KDM2A: variants seen among roughly 807,000 people sequenced by gnomAD.
The protein encoded by KDM2A is lysine demethylase 2A.
KDM2A carries 3 observed loss-of-function variants against 137.3 expected under a neutral mutation model. The ratio of observed to expected loss-of-function variants is 0.02; its 90% CI spans 0.01 to 0.06. KDM2A has a LOEUF of 0.06. KDM2A is among the 10% of genes least tolerant of loss of function. The pLI is 1.00. For synonymous variants in KDM2A, 512 were observed against 541.5 expected (o/e 0.95, Z 0.76); for missense variants, 738 against 1,510.6 (o/e 0.49, Z 8.48).
chr11:67,190,834 AC>A (rs1660638980), intron 5 of KDM2A, among the ~76,000 whole-genome samples: 1 of 152,200 alleles, frequency 6.6e-6, no homozygotes, highest in Non-Finnish European at 1.5e-5. Context: ...TTCTAGAAAC[AC>A]AAAACTTGTT....
intron 5 of KDM2A, among the ~76,000 whole-genome samples, chr11:67,200,354 T>C (rs915383289): frequency 1.3e-5 from 2 of 152,132 alleles, no homozygotes; most frequent in African/African-American, 4.8e-5. Flanking sequence ...TAGCTGGGAC[T>C]ACAGGCGTCC....
intron 6 of KDM2A, among the ~76,000 whole-genome samples, chr11:67,208,342 G>C (rs1001181708): frequency 6.6e-6 from 1 of 151,722 alleles, no homozygotes; most frequent in Non-Finnish European, 1.5e-5. Context: ...CAAAGTGCTG[G>C]GATTACAGGC....
chr11:67,231,072 T>C (rs1327080164), intron 11 of KDM2A, among the ~76,000 whole-genome samples: 1 of 151,184 alleles, frequency 6.6e-6, no homozygotes. Context: ...TCTTCCCACC[T>C]CACCCTCCCT....
intron 5 of KDM2A, among the ~76,000 whole-genome samples, chr11:67,190,158 C>G (rs1857315465): frequency 6.6e-6 from 1 of 152,118 alleles, no homozygotes; most frequent in South Asian, 2.1e-4. Flanking sequence ...ACCTATAATC[C>G]CAGCACTTTG....
chr11:67,169,368 TTC>T (rs1209687873), intron 2 of KDM2A, among the ~76,000 whole-genome samples: 1 of 151,792 alleles, frequency 6.6e-6, no homozygotes, highest in Non-Finnish European at 1.5e-5. Flanking sequence ...GTTTCTTTCT[TTC>T]TTTCTTTTTC....
chr11:67,167,954 A>T (rs1856783083), intron 2 of KDM2A, among the ~76,000 whole-genome samples: 1 of 152,158 alleles, frequency 6.6e-6, no homozygotes, highest in African/African-American at 2.4e-5. Context: ...TCATTTAGGG[A>T]CAAAAAGTTT....
intron 2 of KDM2A, among the ~76,000 whole-genome samples, chr11:67,166,385 C>CACT (rs1429686038): frequency 2.8e-4 from 42 of 151,808 alleles, no homozygotes; most frequent in Admixed American, 9.2e-4. Context: ...AGGATTTTGT[C>CACT]AGGTTGGCCA....
At chr11:67,242,094 AT>A (rs1382194779) in intron 12 of KDM2A, among the ~76,000 whole-genome samples, 5 of 152,216 alleles carry the variant, frequency 3.3e-5, no homozygotes, top group Admixed American at 1.3e-4. Context: ...ATTAAAAAAA[AT>A]ATATTTGTTT....
chr11:67,228,591 G>A (rs565190524), intron 11 of KDM2A, among the ~76,000 whole-genome samples: 31 of 151,708 alleles, frequency 2.0e-4, no homozygotes, highest in Non-Finnish European at 4.4e-5. Flanking sequence ...AGGCTGAGGT[G>A]GGAGGATCAC....
chr11:67,162,874 C>T (rs797020173), intron 2 of KDM2A, among the ~76,000 whole-genome samples: 12 of 152,152 alleles, frequency 7.9e-5, no homozygotes, highest in African/African-American at 2.9e-4. Context: ...CCACCTTGCC[C>T]AGCTAATTTA....
At chr11:67,185,637 CAAA>C (rs35825424) in intron 5 of KDM2A, among the ~76,000 whole-genome samples, 10 of 102,588 alleles carry the variant, frequency 9.7e-5, no homozygotes, top group African/African-American at 1.4e-4. Flanking sequence ...AACTCTGTCG[CAAA>C]AAAAAAAAAA....
chr11:67,165,919 AT>A (rs1447436402), intron 2 of KDM2A, among the ~76,000 whole-genome samples: 1 of 152,088 alleles, frequency 6.6e-6, no homozygotes, highest in Admixed American at 6.6e-5. Flanking sequence ...TATTTGTATA[AT>A]ACTTTCATTA....
intron 2 of KDM2A, among the ~76,000 whole-genome samples, chr11:67,172,952 A>G (rs1445582012): frequency 6.6e-6 from 1 of 152,206 alleles, no homozygotes; most frequent in East Asian, 1.9e-4. Context: ...GAAAAAAATT[A>G]TGGAATATTT....
rs1859164977 is a variant in KDM2A at position 67,245,089 on chromosome 11, T to C, written c.1564-100T>C. On this transcript the variant is annotated intron_variant, in intron 13 of 20. Coordinates refer to ENST00000529006, the MANE Select transcript of KDM2A (RefSeq NM_012308.3). The surrounding 1 kb of genome is among the most constrained non-coding windows in gnomAD (Gnocchi z 4.1). ...AAGCAGTGGGCAGATCTGGCCATAGTGGGCCAAGCCCCAGGCTAGGTATGC... is the reference window on the plus strand; with the variant it reads ...AAGCAGTGGGCAGATCTGGCCATAGCGGGCCAAGCCCCAGGCTAGGTATGC... 3 of 1,365,032 alleles carry C rather than the reference T, an allele frequency of 2.2e-6. No homozygotes were observed. The Admixed American group carries it at 5.9e-5, about 27-fold the overall frequency. The allele number at this position is 1,365,032 out of a possible 1,614,324, so 84.6% of individuals were successfully genotyped here.
At chr11:67,252,412 C>T in intron 17 of KDM2A, 1 of 430,312 alleles carries the variant, frequency 2.3e-6, no homozygotes. Flanking sequence ...CTATGGGTCC[C>T]TAACAACTGT....
intron 5 of KDM2A, among the ~76,000 whole-genome samples, chr11:67,201,624 C>T (rs1181305680): frequency 6.6e-6 from 1 of 151,512 alleles, no homozygotes. Flanking sequence ...AAAAATTAGC[C>T]GAGTGTGGTG....
Position 67,254,612 on chromosome 11 carries a change from C to T in KDM2A, c.3307+194C>T, listed in dbSNP as rs979534212. On this transcript the variant is annotated intron_variant, in intron 20 of 20. Transcript: ENST00000529006. The surrounding 1 kb of genome is among the most constrained non-coding windows in gnomAD (Gnocchi z 4.7). ...GGACTGAGGCCTTGAGTAGTTAAGTCGGTTGCCTGTCTGCGCAGCCAACAT... is the reference window on the plus strand; with the variant it reads ...GGACTGAGGCCTTGAGTAGTTAAGTTGGTTGCCTGTCTGCGCAGCCAACAT... The T allele has an allele frequency of 1.2e-5, 8 of 643,920 alleles. No individual in the cohort carries two copies. The highest frequency in any genetic ancestry group is 5.5e-5 in the East Asian group (2 of 36,680). 39.9% of individuals were successfully genotyped at this position (643,920 alleles called of 1,614,324 possible).
At chr11:67,217,508 A>G (rs1021710853) in intron 8 of KDM2A, 10 of 549,446 alleles carry the variant, frequency 1.8e-5, no homozygotes, top group African/African-American at 1.5e-4. Context: ...GTGTATAGTC[A>G]AACCCAAGGG....
intron 17 of KDM2A, chr11:67,252,404 A>G (rs1213910025): frequency 2.4e-6 from 1 of 409,394 alleles, no homozygotes; most frequent in Non-Finnish European, 4.6e-6. Context: ...GTTGCTTGCT[A>G]TGGGTCCCTA....
Sources: gnomAD v4.1 joint callset for allele counts (sites outside exome capture counted in the v4.1 genomes callset) on GRCh38, gnomAD v4.1.1 for gene constraint, Gnocchi (gnomAD v3.1) non-coding constraint, MANE v1.5 for transcripts, NCBI Gene and HGNC (gene_info 2026-07-23, HGNC 2026-07-21) for gene names.